The following TNFRSF10C variants were observed in gnomAD, a reference collection of about 807,000 sequenced individuals.
TNFRSF10C encodes the protein TNF receptor superfamily member 10c.
TNFRSF10C carries 17 observed loss-of-function variants against 16.7 expected under a neutral mutation model. That is an observed-to-expected ratio of 1.02 (90% CI 0.70 to 1.53). TNFRSF10C has a LOEUF of 1.53. Among genes scored for constraint, TNFRSF10C ranks in the 40% most tolerant of loss-of-function variants. TNFRSF10C has a pLI of 0.00. For missense variants in TNFRSF10C, 237 were observed against 329.7 expected (o/e 0.72, Z 2.18); for synonymous variants, 73 against 119.7 (o/e 0.61, Z 2.55).
chr8:23,105,370 A>G (rs538140263), intron 1 of TNFRSF10C, among the ~76,000 whole-genome samples: 12 of 152,276 alleles, frequency 7.9e-5, no homozygotes, highest in African/African-American at 2.9e-4. Context: ...CCTGTCCTCC[A>G]TCCAGCAGAG....
chr8:23,106,946 G>A (rs557841353), intron 1 of TNFRSF10C, among the ~76,000 whole-genome samples: 1 of 151,490 alleles, frequency 6.6e-6, no homozygotes, highest in South Asian at 2.1e-4. Context: ...AAAAAAAGGA[G>A]ATTGTCCTAT....
At chr8:23,107,363 A>G (rs1813797762) in intron 1 of TNFRSF10C, among the ~76,000 whole-genome samples, 1 of 152,214 alleles carries the variant, frequency 6.6e-6, no homozygotes, top group African/African-American at 2.4e-5. Flanking sequence ...AGAGGATTAC[A>G]TTGAAGAATG....
chr8:23,115,510 C>T lies in TNFRSF10C; in HGVS notation c.283C>T (p.Gln95Ter). ...CFPCTVCKSD[Q>*]KHKSSCTMTR... ...AAAACCTTATGCTCTGTTGTCAGAT[C>T]AAAAACATAAAAGTTCCTGCACCAT... Residue 95 changes from glutamine (Q) to a stop codon, truncating the protein, a stop_gained and splice_region_variant, in exon 4 of 5, where the codon CAA (glutamine) becomes TAA (stop). Transcript: ENST00000356864. LOFTEE classifies it high-confidence loss of function. 6.2e-7 allele frequency: 1 copy of T among 1,611,996 alleles called. No homozygotes were observed. Among genetic ancestry groups the T allele is most frequent in the Non-Finnish European group, 8.5e-7 (1 of 1,178,854 alleles).
At chr8:23,103,520 ATTAG>A (rs1303076451) in intron 1 of TNFRSF10C, 18 of 401,384 alleles carry the variant, frequency 4.5e-5, no homozygotes, top group African/African-American at 2.1e-4. Flanking sequence ...TAATTAATTA[ATTAG>A]TTAATAAAAT....
At chr8:23,108,546 T>C (rs993992105) in intron 1 of TNFRSF10C, among the ~76,000 whole-genome samples, 1 of 152,204 alleles carries the variant, frequency 6.6e-6, no homozygotes, top group East Asian at 1.9e-4. Flanking sequence ...TTTTAGGACA[T>C]TGAATATTAT....
At chr8:23,103,329 G>A (rs1343958294) in intron 1 of TNFRSF10C, 148 bp downstream of exon 1, 1 of 1,393,312 alleles carries the variant, frequency 7.2e-7, no homozygotes, top group South Asian at 1.2e-5. Context: ...CGGAGTCAGG[G>A]GAAGAACTGG....
intron 1 of TNFRSF10C, among the ~76,000 whole-genome samples, chr8:23,109,826 GAGGCCC>G (rs774198196): frequency 6.6e-6 from 1 of 151,846 alleles, no homozygotes; most frequent in Non-Finnish European, 1.5e-5. Context: ...AGTACTTTGG[GAGGCCC>G]AGGCAGGCAG....
At chr8:23,110,596 AG>A (rs1813863344) in intron 1 of TNFRSF10C, among the ~76,000 whole-genome samples, 1 of 152,190 alleles carries the variant, frequency 6.6e-6, no homozygotes, top group South Asian at 2.1e-4. Context: ...GTTGTCTTCT[AG>A]TTGTCATTTA....
In TNFRSF10C at chr8:23,117,234, G is replaced by A. The variant is rs936619371; in HGVS notation, c.*203G>A. On this transcript the variant is annotated 3_prime_UTR_variant, in exon 5 of 5. Coordinates refer to ENST00000356864, the MANE Select transcript of TNFRSF10C (RefSeq NM_003841.5). Reference sequence around the variant, plus strand: ...TGTGATCGTCCCATCCCCACATCCCGTGCACCCCCCAGGACCCTGGTCTCA... The same window carrying A: ...TGTGATCGTCCCATCCCCACATCCCATGCACCCCCCAGGACCCTGGTCTCA... 1.0e-5 allele frequency: 8 copies of A among 778,566 alleles called. No individual in the cohort carries two copies. The highest frequency in any genetic ancestry group is 3.8e-4 in the Middle Eastern group (1 of 2,618). The allele number at this position is 778,566 out of a possible 1,614,324, so 48.2% of individuals were successfully genotyped here.
At chr8:23,104,265 G>A (rs1206282926) in intron 1 of TNFRSF10C, among the ~76,000 whole-genome samples, 1 of 152,218 alleles carries the variant, frequency 6.6e-6, no homozygotes, top group Non-Finnish European at 1.5e-5. Context: ...CATCAGTCTT[G>A]CCTTATTAAA....
intron 3 of TNFRSF10C, 77 bp downstream of exon 3, chr8:23,114,847 G>C (rs774483146): frequency 1.3e-4 from 166 of 1,280,268 alleles, no homozygotes; most frequent in Non-Finnish European, 1.8e-4. Flanking sequence ...ATATGAGTCA[G>C]GGAACCAAGT....
rs778899171 is a variant in TNFRSF10C, at chr8:23,103,105, G to A, written c.-17G>A. 3 of 1,608,636 alleles carry A rather than the reference G, an allele frequency of 1.9e-6. No individual in the cohort carries two copies. The highest frequency in any genetic ancestry group is 2.7e-5 in the African/African-American group (2 of 74,836). ...AGGGTGCGACCCAGGACCCAGGACG[G>A]CGTCGGGAACCATACCATGGCCCGG... is the stretch of plus-strand genomic sequence containing the variant. On this transcript the variant is annotated 5_prime_UTR_variant, in exon 1 of 5. Coordinates refer to ENST00000356864, the MANE Select transcript of TNFRSF10C (RefSeq NM_003841.5).
intron 1 of TNFRSF10C, among the ~76,000 whole-genome samples, chr8:23,108,396 T>C (rs1230343007): frequency 2.0e-5 from 3 of 152,228 alleles, no homozygotes; most frequent in Non-Finnish European, 4.4e-5. Flanking sequence ...AAACTGCTTT[T>C]TTCTGGCATC....
intron 4 of TNFRSF10C, 42 bp from the exon 5 acceptor site, chr8:23,116,599 T>A: frequency 6.3e-7 from 1 of 1,587,198 alleles, no homozygotes; most frequent in Non-Finnish European, 8.6e-7. Flanking sequence ...CCTGGCTAGC[T>A]TTCCCTCAGG....
Position 23,116,910 on chromosome 8 carries a change from C to G in TNFRSF10C, c.659C>G (p.Pro220Arg). 6.3e-7 allele frequency: 1 copy of G among 1,599,230 alleles called. No individual in the cohort carries two copies. ...ACAATGACCACCAGCCCGGGGACTC[C>G]TGCCCCAGCTGCTGAAGAGACAATG... ...EETMTTSPGT[P>R]APAAEETMIT... The change falls in exon 5 of 5, where the codon CCT (proline) becomes CGT (arginine). Residue 220 changes from proline to arginine, a missense_variant. By Grantham distance (103) the Pro-to-Arg change is moderately radical. Transcript: ENST00000356864.
chr8:23,108,026 C>T (rs967351157), intron 1 of TNFRSF10C, among the ~76,000 whole-genome samples: 2 of 152,116 alleles, frequency 1.3e-5, no homozygotes, highest in Admixed American at 6.5e-5. Flanking sequence ...GCGGCGAATC[C>T]GTATGCGTCC....
chr8:23,113,676 C>G (rs1185009847), intron 2 of TNFRSF10C, among the ~76,000 whole-genome samples: 1 of 152,138 alleles, frequency 6.6e-6, no homozygotes, highest in Non-Finnish European at 1.5e-5. Flanking sequence ...GTGCCATTAC[C>G]ATTCAGTTTT....
rs565457360 is a variant in TNFRSF10C at position 23,108,268 on chromosome 8, CGCCTGA to C, written c.61-3450_61-3445del. Among the ~76,000 whole-genome samples, 178 of 152,084 alleles carry C rather than the reference CGCCTGA, an allele frequency of 1.2e-3. 4 individuals are homozygous for C. The South Asian group carries it at 0.033, about 28-fold the overall frequency. On this transcript the variant is annotated intron_variant, in intron 1 of 4. Transcript: ENST00000356864. Reference sequence around the variant, plus strand: ...CTTGAGAAACAGTACGCAGCCGGACCGCCTGAGTTGGGGTTTTATAGGTTGGCCTAC... The same window carrying C: ...CTTGAGAAACAGTACGCAGCCGGACCGTTGGGGTTTTATAGGTTGGCCTAC...
At chr8:23,111,101 G>A (rs28626664) in intron 1 of TNFRSF10C, among the ~76,000 whole-genome samples, 2,528 of 152,200 alleles carry the variant, frequency 0.017, 68 homozygotes, top group African/African-American at 0.057. Flanking sequence ...GGGCAACATA[G>A]CAAGACTCTG....
Sources: allele counts gnomAD v4.1 joint callset (sites outside exome capture counted in the v4.1 genomes callset), GRCh38; gene constraint gnomAD v4.1.1; transcripts MANE v1.5; gene names NCBI Gene and HGNC (gene_info 2026-07-23, HGNC 2026-07-21).